The following PIWIL1 variants were observed in gnomAD, a reference collection of about 807,000 sequenced individuals.
PIWIL1 encodes piwi-like protein 1.
In PIWIL1, 73 loss-of-function variants were observed where a neutral mutation model predicts 114.4. That is an observed-to-expected ratio of 0.64 (90% CI 0.53 to 0.78). The LOEUF (loss-of-function observed/expected upper bound fraction) is 0.78. Ranked by LOEUF, PIWIL1 falls within the 30% of genes least tolerant of loss-of-function variation. The pLI is 0.00. For missense variants in PIWIL1, 723 were observed against 1,063.1 expected, an observed-to-expected ratio of 0.68 and a Z score of 4.45; for synonymous variants, 375 against 369.0, an observed-to-expected ratio of 1.02 and a Z score of -0.19.
At chr12:130,386,124 C>A in the PIWIL1 span, among the ~76,000 whole-genome samples, 6 of 152,138 alleles carry the variant, frequency 3.9e-5, no homozygotes, top group Non-Finnish European at 8.8e-5. Flanking sequence ...TGTCTCTGAT[C>A]CTCTTATTTG....
rs1309742782 is a variant in PIWIL1 at position 130,346,592 on chromosome 12, G to T, written c.531+8G>T. Reference sequence around the variant, plus strand: ...AAAAGACTACAGCAAAAGGTTATTTGGGAAAAGGGAGATGGGGGATTTCCA... The same window carrying T: ...AAAAGACTACAGCAAAAGGTTATTTTGGAAAAGGGAGATGGGGGATTTCCA... On this transcript the variant is annotated splice_region_variant and intron_variant, in intron 5 of 20. Transcript: ENST00000245255. The T allele has an allele frequency of 2.0e-5, 32 of 1,600,568 alleles. No homozygotes were observed. The highest frequency in any genetic ancestry group is 2.7e-5 in the Non-Finnish European group (31 of 1,168,632).
chr12:130,393,879 A>G, the PIWIL1 span, among the ~76,000 whole-genome samples: 7 of 152,290 alleles, frequency 4.6e-5, no homozygotes, highest in Admixed American at 6.5e-5. Context: ...ATCCTCCCCA[A>G]TATCAGCGGT....
intron 9 of PIWIL1, among the ~76,000 whole-genome samples, chr12:130,352,000 C>G (rs2073226279): frequency 6.6e-6 from 1 of 152,096 alleles, no homozygotes; most frequent in African/African-American, 2.4e-5. Flanking sequence ...CCCACTGTGC[C>G]TTTAGACTAA....
chr12:130,399,707 T>C, the PIWIL1 span: 1 of 1,614,194 alleles, frequency 6.2e-7, no homozygotes, highest in Non-Finnish European at 8.5e-7. Context: ...CATTGGCGTA[T>C]CTTGAGAGTA....
intron 7 of PIWIL1, 68 bp downstream of exon 7, chr12:130,348,251 T>C: frequency 1.2e-6 from 1 of 863,336 alleles, no homozygotes; most frequent in Non-Finnish European, 1.8e-6. Context: ...GATAACCTAA[T>C]TTGAAATGGT....
At chr12:130,339,092 C>CCGCTG (rs1360974931) in intron 1 of PIWIL1, among the ~76,000 whole-genome samples, 1 of 152,096 alleles carries the variant, frequency 6.6e-6, no homozygotes, top group Non-Finnish European at 1.5e-5. Flanking sequence ...GCGTCCGCCG[C>CCGCTG]CGCTGCGCTG....
At chr12:130,354,754 C>T in intron 10 of PIWIL1, 91 bp downstream of exon 10, 1 of 1,491,158 alleles carries the variant, frequency 6.7e-7, no homozygotes. Flanking sequence ...CTTCCCCTTC[C>T]CTCCCCCCAG....
chr12:130,412,589 A>G, the PIWIL1 span: 8 of 1,601,028 alleles, frequency 5.0e-6, no homozygotes, highest in Non-Finnish European at 6.8e-6. Context: ...TAAAATGCAC[A>G]GGGAAGGTCG....
At chr12:130,401,997 C>T in the PIWIL1 span, among the ~76,000 whole-genome samples, 1 of 152,226 alleles carries the variant, frequency 6.6e-6, no homozygotes, top group African/African-American at 2.4e-5. Flanking sequence ...AGCCCCTGCT[C>T]TGGCTGAGTA....
At chr12:130,375,572 C>CACAAG (rs2073861023), downstream of PIWIL1, among the ~76,000 whole-genome samples, 1 of 152,236 alleles carries the variant, frequency 6.6e-6, no homozygotes, top group African/African-American at 2.4e-5. Flanking sequence ...CCTGCTTGGG[C>CACAAG]ACAAGACATT....
intron 18 of PIWIL1, 94 bp downstream of exon 18, chr12:130,363,238 C>T (rs2136182705): frequency 7.7e-7 from 1 of 1,293,044 alleles, no homozygotes; most frequent in East Asian, 2.3e-5. Flanking sequence ...TGAGGGAGAA[C>T]CTAACTTGAT....
chr12:130,412,875 G>GAAACTATATTT, the PIWIL1 span: 1 of 1,208,218 alleles, frequency 8.3e-7, no homozygotes, highest in Non-Finnish European at 1.1e-6. Flanking sequence ...GAGTGTAGTC[G>GAAACTATATTT]AAAATATATT....
chr12:130,393,523 G>T, the PIWIL1 span, among the ~76,000 whole-genome samples: 2 of 146,836 alleles, frequency 1.4e-5, no homozygotes, highest in Non-Finnish European at 3.0e-5. Flanking sequence ...CCGTCATCAC[G>T]TGGGTGCATC....
the PIWIL1 span, among the ~76,000 whole-genome samples, chr12:130,382,383 C>G: frequency 6.6e-6 from 1 of 152,230 alleles, no homozygotes; most frequent in South Asian, 2.1e-4. Context: ...CTGAGTTCTC[C>G]TCATTGCTGC....
the PIWIL1 span, chr12:130,384,016 G>A: frequency 6.6e-6 from 1 of 152,050 alleles, no homozygotes; most frequent in African/African-American, 2.4e-5. Flanking sequence ...TTCTTTTAAT[G>A]AGTGCATAGT....
At chr12:130,353,380 G>A (rs1235024808) in intron 9 of PIWIL1, among the ~76,000 whole-genome samples, 1 of 151,338 alleles carries the variant, frequency 6.6e-6, no homozygotes. Flanking sequence ...GCTCAGTGGA[G>A]GTGTGTGGTT....
At chr12:130,399,160 T>A in the PIWIL1 span, 2 of 1,389,872 alleles carry the variant, frequency 1.4e-6, no homozygotes, top group Non-Finnish European at 1.9e-6. Flanking sequence ...AACACTCTTC[T>A]TCTGTTTCCA....
the PIWIL1 span, among the ~76,000 whole-genome samples, chr12:130,418,098 G>C: frequency 6.6e-6 from 1 of 152,166 alleles, no homozygotes; most frequent in East Asian, 1.9e-4. Context: ...CAAACCGTTT[G>C]GCCTCTTTCA....
In PIWIL1 at chr12:130,371,662, A is replaced by G. The variant is rs530485716; in HGVS notation, c.*64A>G. 3.1e-5 allele frequency: 32 copies of G among 1,049,044 alleles called. No homozygotes were observed. The African/African-American group carries it at 4.7e-4, about 15-fold the overall frequency. The allele number at this position is 1,049,044 out of a possible 1,614,324, so 65.0% of individuals were successfully genotyped here. A position where few individuals can be genotyped will look rare whatever the true frequency, so the allele number is the denominator to read the frequency against. On this transcript the variant is annotated 3_prime_UTR_variant, in exon 21 of 21. Transcript: ENST00000245255. ...GACTTTGGGATTTTTTTAAGCTTTT[A>G]TTTACTTTTTTTTTAACTGTTATCT... is the stretch of plus-strand genomic sequence containing the variant.
Sources: gnomAD v4.1 joint callset for allele counts (sites outside exome capture counted in the v4.1 genomes callset) on GRCh38, gnomAD v4.1.1 for gene constraint, MANE v1.5 for transcripts, NCBI Gene and HGNC (gene_info 2026-07-23, HGNC 2026-07-21) for gene names.